MACROD2: variants seen among roughly 807,000 people sequenced by gnomAD.
MACROD2 encodes the protein mono-ADP ribosylhydrolase 2.
Under a neutral mutation model 70.4 loss-of-function variants are expected in MACROD2, and 36 were observed. That is an observed-to-expected ratio of 0.51 (90% CI 0.39 to 0.68). MACROD2 has a LOEUF of 0.68. Among genes scored for constraint, MACROD2 ranks in the 30% least tolerant of loss-of-function variants. The pLI is 0.00. For synonymous variants in MACROD2, 172 were observed against 178.8 expected (o/e 0.96, Z 0.30); for missense variants, 496 against 538.4 (o/e 0.92, Z 0.78).
intron 4 of MACROD2, among the ~76,000 whole-genome samples, chr20:14,558,375 ATAAAC>A (rs1979195171): frequency 6.6e-6 from 1 of 151,806 alleles, no homozygotes; most frequent in South Asian, 2.1e-4. Flanking sequence ...AATGGTCTAA[ATAAAC>A]TAATTAAAAG....
intron 7 of MACROD2, among the ~76,000 whole-genome samples, chr20:15,441,393 G>A (rs2046493219): frequency 2.0e-5 from 3 of 152,078 alleles, no homozygotes; most frequent in African/African-American, 7.2e-5. Flanking sequence ...TGAAACCCAT[G>A]GGCAGGATTC....
intron 5 of MACROD2, among the ~76,000 whole-genome samples, chr20:14,728,707 T>G (rs1342738646): frequency 6.6e-6 from 1 of 152,202 alleles, no homozygotes; most frequent in Non-Finnish European, 1.5e-5. Context: ...AGTGTTTCAT[T>G]CATGATTTTT....
chr20:15,647,008 T>C (rs2049558196), intron 8 of MACROD2, among the ~76,000 whole-genome samples: 1 of 152,220 alleles, frequency 6.6e-6, no homozygotes. Flanking sequence ...CCTGACCATA[T>C]TGCATCTCAT....
intron 8 of MACROD2, among the ~76,000 whole-genome samples, chr20:15,542,213 G>A (rs1171409492): frequency 1.3e-5 from 2 of 152,166 alleles, no homozygotes; most frequent in African/African-American, 2.4e-5. Context: ...CCAGCTCTCG[G>A]GCTGTGTGAC....
Position 15,121,513 on chromosome 20 carries a change from C to CAAAA in MACROD2, c.419-108413_419-108410dup, listed in dbSNP as rs5840653. Among the ~76,000 whole-genome samples the CAAAA allele has an allele frequency of 1.4e-3, 166 of 122,008 alleles. 2 individuals are homozygous for CAAAA. The highest frequency in any genetic ancestry group is 4.5e-3 in the African/African-American group (141 of 31,110). 80.0% of individuals were successfully genotyped at this position (122,008 alleles called of 152,430 possible). On this transcript the variant is annotated intron_variant, in intron 5 of 17. Transcript: ENST00000684519. ...AGGCAACAAGAGTGAAACTCTGCCTCAAAAAAAAAAAAAAAAAGAAAAAAG... is the reference window on the plus strand; with the variant it reads ...AGGCAACAAGAGTGAAACTCTGCCTCAAAAAAAAAAAAAAAAAAAAAGAAAAAAG...
intron 6 of MACROD2, among the ~76,000 whole-genome samples, chr20:15,372,771 G>C (rs894057657): frequency 2.6e-5 from 4 of 152,198 alleles, no homozygotes; most frequent in Admixed American, 6.5e-5. Context: ...TCCCTCCCAG[G>C]CTGGATGCGA....
chr20:15,340,083 C>T (rs948495618), intron 6 of MACROD2, among the ~76,000 whole-genome samples: 14 of 145,738 alleles, frequency 9.6e-5, no homozygotes, highest in East Asian at 2.0e-4. Flanking sequence ...TGTGCTTTTT[C>T]GTCCTTTGTC....
intron 3 of MACROD2, among the ~76,000 whole-genome samples, chr20:14,132,129 C>CAA (rs34790385): frequency 0.039 from 3,752 of 96,292 alleles, 119 homozygotes; most frequent in Non-Finnish European, 0.052. Flanking sequence ...AGACTCTATC[C>CAA]AAAAAAAAAA....
At chr20:15,240,851 A>G (rs2077054633) in intron 6 of MACROD2, among the ~76,000 whole-genome samples, 1 of 152,190 alleles carries the variant, frequency 6.6e-6, no homozygotes, top group African/African-American at 2.4e-5. Context: ...TCTCAAGGAT[A>G]CAGCTAGAAG....
rs187628607 is a variant in MACROD2 at position 14,467,887 on chromosome 20, C to G, written c.272-25592C>G. Among the ~76,000 whole-genome samples the G allele has an allele frequency of 1.7e-3, 254 of 152,224 alleles. 3 individuals carry two copies. The highest frequency in any genetic ancestry group is 6.0e-3 in the African/African-American group (251 of 41,492). On this transcript the variant is annotated intron_variant, in intron 3 of 17. Coordinates refer to ENST00000684519, the MANE Select transcript of MACROD2 (RefSeq NM_001351661.2). ...TATATATCCAGCAGTCACTCAGGAA[C>G]AGGTTGTCCAGTTTCCATGTAGGTG... is the stretch of plus-strand genomic sequence containing the variant.
At chr20:15,759,910 C>T (rs1223564104) in intron 8 of MACROD2, among the ~76,000 whole-genome samples, 1 of 152,182 alleles carries the variant, frequency 6.6e-6, no homozygotes, top group East Asian at 1.9e-4. Flanking sequence ...ACAATTCTTG[C>T]TTTAAAGCAA....
intron 5 of MACROD2, among the ~76,000 whole-genome samples, chr20:15,225,587 C>T (rs1344660716): frequency 3.3e-5 from 5 of 152,076 alleles, no homozygotes; most frequent in Admixed American, 6.6e-5. Flanking sequence ...TTCCCTACAT[C>T]GGTAGAGGAA....
At chr20:14,057,045 G>A (rs747603838) in intron 2 of MACROD2, among the ~76,000 whole-genome samples, 14 of 151,948 alleles carry the variant, frequency 9.2e-5, no homozygotes, top group Non-Finnish European at 2.1e-4. Flanking sequence ...TGCTTATCAT[G>A]TGGATATCCA....
intron 5 of MACROD2, among the ~76,000 whole-genome samples, chr20:15,185,527 T>A (rs2076528937): frequency 6.6e-6 from 1 of 152,198 alleles, no homozygotes; most frequent in African/African-American, 2.4e-5. Flanking sequence ...TTATGTCATA[T>A]TTTTGGTGAG....
At chr20:14,478,877 G>T (rs1456082883) in intron 3 of MACROD2, among the ~76,000 whole-genome samples, 1 of 151,936 alleles carries the variant, frequency 6.6e-6, no homozygotes, top group East Asian at 1.9e-4. Context: ...GTGCTGGTGG[G>T]GCTCCCAGGG....
chr20:14,663,579 A>G (rs1418990005), intron 4 of MACROD2, among the ~76,000 whole-genome samples: 1 of 151,584 alleles, frequency 6.6e-6, no homozygotes, highest in African/African-American at 2.4e-5. Flanking sequence ...TATATATAAA[A>G]TGATGTGCAT....
chr20:15,697,568 C>T (rs962394660), intron 8 of MACROD2, among the ~76,000 whole-genome samples: 3 of 152,062 alleles, frequency 2.0e-5, no homozygotes, highest in Non-Finnish European at 4.4e-5. Context: ...TCTGCTAAGT[C>T]CATTTGTTCT....
intron 5 of MACROD2, among the ~76,000 whole-genome samples, chr20:15,142,989 T>C (rs2076203693): frequency 6.6e-6 from 1 of 152,166 alleles, no homozygotes; most frequent in African/African-American, 2.4e-5. Context: ...CATGTGTCTT[T>C]ATAGCAGCAT....
chr20:14,301,669 G>C (rs1162168219), intron 3 of MACROD2, among the ~76,000 whole-genome samples: 2 of 152,144 alleles, frequency 1.3e-5, no homozygotes, highest in Non-Finnish European at 2.9e-5. Context: ...TTTGAAAATA[G>C]AGTGTTTTTA....
Sources: allele counts gnomAD v4.1 joint callset (sites outside exome capture counted in the v4.1 genomes callset), GRCh38; gene constraint gnomAD v4.1.1; transcripts MANE v1.5; gene names NCBI Gene and HGNC (gene_info 2026-07-23, HGNC 2026-07-21).